The following SYT9 variants were observed in gnomAD, a reference collection of about 807,000 sequenced individuals.
SYT9 encodes synaptotagmin 9.
In SYT9, 22 loss-of-function variants were observed where a neutral mutation model predicts 48.4. The observed-to-expected ratio is 0.45, with a 90% CI of 0.32 to 0.65. The LOEUF (loss-of-function observed/expected upper bound fraction) is 0.65. Among genes scored for constraint, SYT9 ranks in the 30% least tolerant of loss-of-function variants. The probability of loss-of-function intolerance (pLI) is 0.03; values close to 1 mark genes in which losing one functional copy is unlikely to be tolerated. For missense variants in SYT9, 577 were observed against 622.0 expected, an observed-to-expected ratio of 0.93 and a Z score of 0.77; for synonymous variants, 265 against 245.0, an observed-to-expected ratio of 1.08 and a Z score of -0.76.
chr11:7,300,735 TGCA>T (rs1374244161), intron 1 of SYT9, among the ~76,000 whole-genome samples: 1 of 152,212 alleles, frequency 6.6e-6, no homozygotes, highest in Non-Finnish European at 1.5e-5. Context: ...GATTGATGTT[TGCA>T]GCCTGATTAC....
intron 3 of SYT9, among the ~76,000 whole-genome samples, chr11:7,360,184 G>A (rs1349071060): frequency 6.6e-6 from 1 of 152,158 alleles, no homozygotes; most frequent in Non-Finnish European, 1.5e-5. Flanking sequence ...TTATTTCTGA[G>A]GGCTCTGTTC....
intron 3 of SYT9, among the ~76,000 whole-genome samples, chr11:7,378,019 T>C (rs1230244198): frequency 1.3e-5 from 2 of 151,710 alleles, no homozygotes; most frequent in East Asian, 1.9e-4. Flanking sequence ...TCAAATTCCA[T>C]GTGGTAATAG....
At chr11:7,389,338 T>C (rs1850719375) in intron 3 of SYT9, among the ~76,000 whole-genome samples, 1 of 152,162 alleles carries the variant, frequency 6.6e-6, no homozygotes, top group African/African-American at 2.4e-5. Flanking sequence ...GCCCACCTTG[T>C]GTGACCTTCT....
intron 3 of SYT9, among the ~76,000 whole-genome samples, chr11:7,345,424 G>C (rs1319873152): frequency 6.6e-6 from 1 of 152,210 alleles, no homozygotes; most frequent in African/African-American, 2.4e-5. Flanking sequence ...TTTAAAATGT[G>C]AGAGTAAATT....
At chr11:7,361,737 C>T (rs1429151260) in intron 3 of SYT9, among the ~76,000 whole-genome samples, 2 of 152,168 alleles carry the variant, frequency 1.3e-5, no homozygotes, top group African/African-American at 4.8e-5. Context: ...ATTATGTTGG[C>T]TGGAAATGAG....
chr11:7,318,761 T>C (rs1335621474), intron 3 of SYT9, among the ~76,000 whole-genome samples: 1 of 152,218 alleles, frequency 6.6e-6, no homozygotes, highest in African/African-American at 2.4e-5. Context: ...GCTATTTTGG[T>C]CAATTACATT....
At chr11:7,253,071 A>T (rs894200043) in intron 1 of SYT9, among the ~76,000 whole-genome samples, 1 of 152,224 alleles carries the variant, frequency 6.6e-6, no homozygotes. Flanking sequence ...TGGAAAGTTC[A>T]TTTATTTTGG....
intron 3 of SYT9, among the ~76,000 whole-genome samples, chr11:7,382,136 G>A (rs1850577062): frequency 6.6e-6 from 1 of 152,172 alleles, no homozygotes. Flanking sequence ...CTTCTATGCT[G>A]TGCAACTCGT....
At position 7,425,864 on chromosome 11, in the gene SYT9, A is replaced by G. The variant is rs569250923; in HGVS notation, c.1467+5229A>G. The stretch of plus-strand genomic sequence containing the variant: ...CCATATGATGAGGTGCTCCCCCCCA[A>G]TATAGTCCAGCATCGTGTCTCATGT... On this transcript the variant is annotated intron_variant, in intron 6 of 6. Coordinates refer to ENST00000318881, the MANE Select transcript of SYT9 (RefSeq NM_175733.4). Among the ~76,000 whole-genome samples, 12 of 152,324 alleles carry G rather than the reference A, an allele frequency of 7.9e-5. No individual in the cohort carries two copies. In the South Asian group the frequency reaches 1.0e-3, roughly 13 times the overall value.
At chr11:7,247,955 T>C (rs1483946181), upstream of SYT9, among the ~76,000 whole-genome samples, 1 of 152,110 alleles carries the variant, frequency 6.6e-6, no homozygotes, top group Non-Finnish European at 1.5e-5. Context: ...CAATGTAGAA[T>C]TGTTCCTTGT....
At chr11:7,399,600 A>G (rs148345951) in intron 3 of SYT9, among the ~76,000 whole-genome samples, 6 of 152,352 alleles carry the variant, frequency 3.9e-5, no homozygotes, top group African/African-American at 1.4e-4. Flanking sequence ...GTTTCCACTG[A>G]TGAAAATCTG....
In SYT9 at chr11:7,427,784, T is replaced by C. The variant is rs183594813; in HGVS notation, c.1467+7149T>C. ...GTGAGATTTAGCATGCCAGCACGCATAAACACCTGCAGGGCCGCTGAAGCA... is the reference window on the plus strand; with the variant it reads ...GTGAGATTTAGCATGCCAGCACGCACAAACACCTGCAGGGCCGCTGAAGCA... On this transcript the variant is annotated intron_variant, in intron 6 of 6. Coordinates refer to ENST00000318881, the MANE Select transcript of SYT9 (RefSeq NM_175733.4). 3.3e-5 allele frequency: 5 copies of C among 152,340 alleles called. No individual in the cohort carries two copies. In the East Asian group the frequency reaches 7.7e-4, roughly 23 times the overall value. 9.4% of individuals were successfully genotyped at this position (152,340 alleles called of 1,614,324 possible).
chr11:7,273,478 G>A (rs550082648), intron 1 of SYT9, among the ~76,000 whole-genome samples: 5 of 152,242 alleles, frequency 3.3e-5, no homozygotes, highest in South Asian at 2.1e-4. Flanking sequence ...GTTAAAGTGC[G>A]AGAGAGAACC....
At chr11:7,295,643 C>G (rs144087120) in intron 1 of SYT9, among the ~76,000 whole-genome samples, 133 of 152,206 alleles carry the variant, frequency 8.7e-4, no homozygotes, top group African/African-American at 3.0e-3. Flanking sequence ...CAGTTTCTAC[C>G]CATTACATAA....
chr11:7,400,084 G>A (rs1393671226), intron 3 of SYT9, among the ~76,000 whole-genome samples: 1 of 152,150 alleles, frequency 6.6e-6, no homozygotes, highest in Admixed American at 6.6e-5. Flanking sequence ...ATGTGGTCAG[G>A]GTATGCTTAG....
chr11:7,319,188 TTTTC>T (rs1285346238), intron 3 of SYT9, among the ~76,000 whole-genome samples: 7 of 83,450 alleles, frequency 8.4e-5, no homozygotes, highest in South Asian at 4.2e-4. Context: ...CTTTTCTTCT[TTTTC>T]TTTTTTTTTT....
chr11:7,368,940 CAT>C (rs1270586540), intron 3 of SYT9, among the ~76,000 whole-genome samples: 5 of 152,154 alleles, frequency 3.3e-5, no homozygotes, highest in African/African-American at 1.2e-4. Flanking sequence ...CTGCAACAAA[CAT>C]ATGTGTGCAT....
At chr11:7,285,044 A>G (rs1034046425) in intron 1 of SYT9, among the ~76,000 whole-genome samples, 9 of 152,180 alleles carry the variant, frequency 5.9e-5, no homozygotes, top group Admixed American at 5.2e-4. Flanking sequence ...AAAACTCAGC[A>G]TGAGTTTACC....
intron 3 of SYT9, among the ~76,000 whole-genome samples, chr11:7,319,128 A>C (rs1589942002): frequency 6.9e-6 from 1 of 145,282 alleles, no homozygotes; most frequent in South Asian, 2.3e-4. Flanking sequence ...TGAGAAAGGG[A>C]GGAGAGTGGG....
Sources: allele counts gnomAD v4.1 joint callset (sites outside exome capture counted in the v4.1 genomes callset), GRCh38; gene constraint gnomAD v4.1.1; transcripts MANE v1.5; gene names NCBI Gene and HGNC (gene_info 2026-07-23, HGNC 2026-07-21).